Variants in SORBS2 observed in about 807,000 individuals in gnomAD.
SORBS2 encodes the protein sorbin and SH3 domain containing 2, also known as sorbin and SH3 domain-containing protein 2.
In SORBS2, 46 loss-of-function variants were observed where a neutral mutation model predicts 97.7. The observed-to-expected ratio is 0.47, with a 90% confidence interval of 0.37 to 0.60. The LOEUF (loss-of-function observed/expected upper bound fraction) is 0.60, where lower values mean the gene tolerates loss of function less well. Among genes scored for constraint, SORBS2 ranks in the 20% least tolerant of loss-of-function variants. The probability of loss-of-function intolerance (pLI) is 0.00; values close to 1 mark genes in which losing one functional copy is unlikely to be tolerated. For missense variants in SORBS2, 1,316 were observed against 1,282.3 expected, an observed-to-expected ratio of 1.03 and a Z score of -0.40; for synonymous variants, 476 against 473.4, an observed-to-expected ratio of 1.01 and a Z score of -0.07.
intron 1 of SORBS2, among the ~76,000 whole-genome samples, chr4:185,954,548 G>C (rs1456057252): frequency 1.3e-5 from 2 of 152,152 alleles, no homozygotes; most frequent in Non-Finnish European, 2.9e-5. Context: ...TTGTCACAGA[G>C]GCGAAGTGTA....
chr4:185,791,111 A>G (rs1007789120), intron 1 of SORBS2, among the ~76,000 whole-genome samples: 5 of 152,224 alleles, frequency 3.3e-5, no homozygotes, highest in Admixed American at 1.3e-4. Flanking sequence ...CTAATTTGGG[A>G]AAGTATGCTA....
intron 2 of SORBS2, among the ~76,000 whole-genome samples, chr4:185,691,625 G>C (rs11132334): frequency 0.16 from 23,633 of 152,110 alleles, 2,048 homozygotes; most frequent in Middle Eastern, 0.21. Flanking sequence ...GGAAATAGAT[G>C]GTCACTACAA....
At chr4:185,858,446 T>TATTTTTTTTTAA (rs1188976890) in intron 1 of SORBS2, among the ~76,000 whole-genome samples, 10 of 152,336 alleles carry the variant, frequency 6.6e-5, no homozygotes, top group Non-Finnish European at 1.3e-4. Flanking sequence ...CTTAATTTTG[T>TATTTTTTTTTAA]ATTTTTAAAT....
At chr4:185,658,630 G>A (rs1196983773), upstream of SORBS2, among the ~76,000 whole-genome samples, 1 of 150,352 alleles carries the variant, frequency 6.7e-6, no homozygotes, top group Non-Finnish European at 1.5e-5. Flanking sequence ...ATCATTATGT[G>A]TATATGATAT....
chr4:185,665,830 G>C, intron 4 of SORBS2: 1 of 1,151,500 alleles, frequency 8.7e-7, no homozygotes, highest in South Asian at 1.8e-5. Context: ...AGTGGTGTCA[G>C]AGTCACCAAT....
At chr4:185,657,355 C>T (rs946705674), upstream of SORBS2, 39 of 1,390,754 alleles carry the variant, frequency 2.8e-5, no homozygotes, top group East Asian at 4.4e-4. Flanking sequence ...TGCACAAAGC[C>T]GTGGACAATC....
intron 1 of SORBS2, among the ~76,000 whole-genome samples, chr4:185,902,129 T>C (rs2099248100): frequency 6.6e-6 from 1 of 152,226 alleles, no homozygotes; most frequent in South Asian, 2.1e-4. Flanking sequence ...TTTAAAAGCA[T>C]ATTAGTATAC....
intron 10 of SORBS2, 33 bp downstream of exon 22, chr4:185,615,012 C>T (rs767520625): frequency 1.2e-6 from 2 of 1,613,718 alleles, no homozygotes; most frequent in South Asian, 1.1e-5. Flanking sequence ...TTTGAAACCA[C>T]CGCCATCCAA....
chr4:185,772,555 C>T (rs985304733), intron 2 of SORBS2: 8 of 152,162 alleles, frequency 5.3e-5, no homozygotes, highest in African/African-American at 1.9e-4. Flanking sequence ...ACGGCTCTCC[C>T]GGGACTTCCT....
intron 1 of SORBS2, among the ~76,000 whole-genome samples, chr4:185,776,772 C>G (rs35075923): frequency 6.6e-6 from 1 of 151,446 alleles, no homozygotes; most frequent in Non-Finnish European, 1.5e-5. Context: ...TCGTGGCACG[C>G]GCCTGTAGTC....
At chr4:185,642,030 G>A (rs1363998664) in intron 4 of SORBS2, among the ~76,000 whole-genome samples, 1 of 152,048 alleles carries the variant, frequency 6.6e-6, no homozygotes. Context: ...GAAGTGCCAG[G>A]GCTATTTTGT....
At chr4:185,655,334 A>T (rs56115601) in intron 1 of SORBS2, among the ~76,000 whole-genome samples, 43,007 of 152,190 alleles carry the variant, frequency 0.28, 7,674 homozygotes, top group Non-Finnish European at 0.41. Flanking sequence ...TGGCAAATAC[A>T]CTGAATCTGA....
At chr4:185,728,145 C>T (rs1414753308) in intron 2 of SORBS2, among the ~76,000 whole-genome samples, 2 of 152,144 alleles carry the variant, frequency 1.3e-5, no homozygotes, top group Non-Finnish European at 2.9e-5. Flanking sequence ...GAACTCGATT[C>T]AGCTAAGGTT....
intron 4 of SORBS2, among the ~76,000 whole-genome samples, chr4:185,676,308 T>C (rs927414840): frequency 6.6e-6 from 1 of 152,238 alleles, no homozygotes; most frequent in African/African-American, 2.4e-5. Flanking sequence ...TTAAAGTTTG[T>C]GCTTTTAGCA....
intron 11 of SORBS2, among the ~76,000 whole-genome samples, chr4:185,612,634 G>A (rs924324321): frequency 3.3e-5 from 5 of 151,596 alleles, no homozygotes; most frequent in Admixed American, 2.0e-4. Flanking sequence ...GATTACAGGC[G>A]CCCGCCACCA....
chr4:185,916,528 G>C (rs2149901563), intron 1 of SORBS2, among the ~76,000 whole-genome samples: 1 of 152,302 alleles, frequency 6.6e-6, no homozygotes, highest in East Asian at 1.9e-4. Context: ...TCAATAGCTG[G>C]ATTCTTGAAG....
chr4:185,921,990 CAGG>C (rs1350804959), intron 1 of SORBS2, among the ~76,000 whole-genome samples: 7 of 152,184 alleles, frequency 4.6e-5, no homozygotes, highest in African/African-American at 1.7e-4. Flanking sequence ...ATTGGGAAAA[CAGG>C]AGTTGTTCAT....
At chr4:185,655,147 C>T (rs1255358086) in intron 1 of SORBS2, among the ~76,000 whole-genome samples, 1 of 152,204 alleles carries the variant, frequency 6.6e-6, no homozygotes, top group African/African-American at 2.4e-5. Context: ...TCCCAGGTCA[C>T]ATGAGAGAGG....
At chr4:185,670,005 G>T (rs113883800) in intron 4 of SORBS2, among the ~76,000 whole-genome samples, 10,043 of 152,080 alleles carry the variant, frequency 0.066, 396 homozygotes, top group Admixed American at 0.1. Context: ...GATCACCTGA[G>T]GTCAGGAGTT....
Sources: gnomAD v4.1 joint callset for allele counts (sites outside exome capture counted in the v4.1 genomes callset) on GRCh38, gnomAD v4.1.1 for gene constraint, MANE v1.5 for transcripts, NCBI Gene and HGNC (gene_info 2026-07-23, HGNC 2026-07-21) for gene names.